DSE: variants seen among roughly 807,000 people sequenced by gnomAD.
The protein encoded by DSE is dermatan sulfate epimerase.
DSE carries 36 observed loss-of-function variants against 84.4 expected under a neutral mutation model. The observed-to-expected ratio is 0.43, with a 90% CI of 0.33 to 0.56. The LOEUF (loss-of-function observed/expected upper bound fraction) is 0.56, where lower values mean the gene tolerates loss of function less well. Ranked by LOEUF, DSE falls within the 20% of genes least tolerant of loss-of-function variation. The pLI is 0.06. For synonymous variants in DSE, 410 were observed against 430.1 expected (o/e 0.95, Z 0.58); for missense variants, 862 against 1,169.6 (o/e 0.74, Z 3.84).
At chr6:116,423,220 T>C (rs868176874) in intron 2 of DSE, 8 of 152,136 alleles carry the variant, frequency 5.3e-5, no homozygotes, top group African/African-American at 1.9e-4. Flanking sequence ...AAAGTGTGAG[T>C]TCAAAAAGAA....
At chr6:116,317,121 G>A (rs1776029152) in intron 2 of DSE, among the ~76,000 whole-genome samples, 1 of 152,208 alleles carries the variant, frequency 6.6e-6, no homozygotes, top group African/African-American at 2.4e-5. Flanking sequence ...TCAGACTGCT[G>A]TTCAGTTCCA....
chr6:116,367,268 C>A (rs2114898921), upstream of DSE: 1 of 152,294 alleles, frequency 6.6e-6, no homozygotes. Context: ...AATGATCTTA[C>A]TTCTTCTGTG....
intron 2 of DSE, among the ~76,000 whole-genome samples, chr6:116,273,395 G>A (rs866472992): frequency 1.4e-4 from 22 of 152,138 alleles, no homozygotes; most frequent in African/African-American, 5.3e-4. Flanking sequence ...AACCTCTGAG[G>A]TCAGAGAGAA....
rs1040846547 is a variant in DSE, at chr6:116,370,978, C to T, written c.-197C>T. 5.1e-6 allele frequency: 5 copies of T among 985,462 alleles called. No individual in the cohort carries two copies. The highest frequency in any genetic ancestry group is 5.2e-4 in the Middle Eastern group (1 of 1,936). The allele number at this position is 985,462 out of a possible 1,614,324, so 61.0% of individuals were successfully genotyped here. A position where few individuals can be genotyped will look rare whatever the true frequency, so the allele number is the denominator to read the frequency against. On this transcript the variant is annotated 5_prime_UTR_variant, in exon 1 of 6. Transcript: ENST00000644252. The stretch of plus-strand genomic sequence containing the variant: ...GTCGCCCGAGGCTGCAGCAGCGCAT[C>T]CCGGGGCATGGCGCGGCGGGGGCGC...
At chr6:116,403,065 T>G (rs996183135) in intron 2 of DSE, among the ~76,000 whole-genome samples, 2 of 152,220 alleles carry the variant, frequency 1.3e-5, no homozygotes, top group Non-Finnish European at 1.5e-5. Context: ...TTTATAATTA[T>G]AATGGTGATT....
At chr6:116,428,462 A>G (rs967718204) in intron 3 of DSE, among the ~76,000 whole-genome samples, 1 of 152,238 alleles carries the variant, frequency 6.6e-6, no homozygotes, top group Non-Finnish European at 1.5e-5. Context: ...ATTATTCCAA[A>G]TAATAAGCAG....
At chr6:116,353,774 C>T (rs72949317) in intron 2 of DSE, among the ~76,000 whole-genome samples, 157 of 152,246 alleles carry the variant, frequency 1.0e-3, no homozygotes, top group Non-Finnish European at 2.1e-3. Context: ...AGATATCTAG[C>T]TTATTTTATA....
intron 2 of DSE, chr6:116,277,968 G>A (rs537638071): frequency 6.6e-6 from 1 of 150,928 alleles, no homozygotes; most frequent in Non-Finnish European, 1.5e-5. Context: ...CTTGGCAGGA[G>A]CCAATGTAGG....
Position 116,435,731 on chromosome 6 carries a change from A to G in DSE, c.1263A>G (p.Lys421=). 6.2e-7 allele frequency: 1 copy of G among 1,614,064 alleles called. No individual in the cohort carries two copies. Residue 421 remains lysine, a synonymous_variant, in exon 6 of 6, where the codon AAA becomes AAG. Coordinates refer to ENST00000644252, the MANE Select transcript of DSE (RefSeq NM_013352.4). The part of the protein sequence containing the change: ...NRSFLSFKSG[K]LGGRAIYDIV... ...CTTTCCTTTCCTTCAAGTCTGGAAA[A>G]CTGGGGGGACGTGCAATATATGACA... is the stretch of plus-strand genomic sequence containing the variant.
At chr6:116,320,162 C>T (rs1200654403) in intron 2 of DSE, among the ~76,000 whole-genome samples, 1 of 152,144 alleles carries the variant, frequency 6.6e-6, no homozygotes, top group Non-Finnish European at 1.5e-5. Flanking sequence ...AAAGAATAGA[C>T]AGCTTTACCA....
intron 1 of DSE, among the ~76,000 whole-genome samples, chr6:116,372,170 T>A (rs1319990615): frequency 6.6e-6 from 1 of 152,188 alleles, no homozygotes; most frequent in African/African-American, 2.4e-5. Flanking sequence ...TTCCCTCAAG[T>A]TTTTAAAAAA....
At chr6:116,302,046 T>G (rs111601232) in intron 2 of DSE, among the ~76,000 whole-genome samples, 8,315 of 152,254 alleles carry the variant, frequency 0.055, 761 homozygotes, top group African/African-American at 0.19. Flanking sequence ...TGATGGGCAT[T>G]TGAGTTGGTT....
chr6:116,402,565 G>A (rs1781662022), intron 2 of DSE, among the ~76,000 whole-genome samples: 1 of 152,034 alleles, frequency 6.6e-6, no homozygotes, highest in South Asian at 2.1e-4. Flanking sequence ...GACAATAATG[G>A]TAATTATTGA....
intron 1 of DSE, among the ~76,000 whole-genome samples, chr6:116,257,526 CAT>C (rs1263877009): frequency 6.6e-6 from 1 of 152,144 alleles, no homozygotes; most frequent in Non-Finnish European, 1.5e-5. Flanking sequence ...AACAAAATAC[CAT>C]AGAGTGGGTG....
At chr6:116,368,564 T>G (rs1779300491), upstream of DSE, among the ~76,000 whole-genome samples, 1 of 152,222 alleles carries the variant, frequency 6.6e-6, no homozygotes, top group Admixed American at 6.5e-5. Flanking sequence ...CAACTAAACT[T>G]TTAACACTTT....
chr6:116,352,993 A>C (rs1026834610), intron 2 of DSE, among the ~76,000 whole-genome samples: 15 of 152,230 alleles, frequency 9.9e-5, no homozygotes, highest in African/African-American at 3.1e-4. Context: ...AGACAAGTCC[A>C]TCAGGGACTT....
intron 1 of DSE, among the ~76,000 whole-genome samples, chr6:116,373,640 C>T (rs955346735): frequency 3.3e-5 from 5 of 152,172 alleles, no homozygotes; most frequent in Non-Finnish European, 7.3e-5. Context: ...TATGGGCTGT[C>T]CGGTTCAATA....
intron 2 of DSE, among the ~76,000 whole-genome samples, chr6:116,364,698 T>C (rs187677046): frequency 4.6e-5 from 7 of 152,370 alleles, no homozygotes; most frequent in Admixed American, 3.3e-4. Context: ...AAGAAATACA[T>C]TAGTGAGCTT....
At chr6:116,297,320 C>G (rs1774733092) in intron 2 of DSE, among the ~76,000 whole-genome samples, 1 of 152,122 alleles carries the variant, frequency 6.6e-6, no homozygotes, top group Admixed American at 6.5e-5. Context: ...ATGTTCTACA[C>G]CATCTCTCAA....
Sources: allele counts gnomAD v4.1 joint callset (sites outside exome capture counted in the v4.1 genomes callset), GRCh38; gene constraint gnomAD v4.1.1; transcripts MANE v1.5; gene names NCBI Gene and HGNC (gene_info 2026-07-23, HGNC 2026-07-21).